SSR4: variants seen among roughly 807,000 people sequenced by gnomAD.
SSR4 encodes signal sequence receptor subunit 4.
For missense variants in SSR4, 125 were observed against 148.8 expected, an observed-to-expected ratio of 0.84 and a Z score of 0.83; for synonymous variants, 84 against 65.6, an observed-to-expected ratio of 1.28 and a Z score of -1.35.
At chrX:153,796,293 C>A in intron 1 of SSR4, 141 bp from the exon 2 acceptor site, 1 of 468,883 alleles carries the variant, frequency 2.1e-6, no homozygotes, top group Non-Finnish European at 3.7e-6. Flanking sequence ...GGATCTGTCT[C>A]GCATATCCCA....
Position 153,796,656 on chromosome X carries a change from T to C in SSR4, c.186+104T>C, listed in dbSNP as rs1237230006. On this transcript the variant is annotated intron_variant, in intron 2 of 5. Transcript: ENST00000370086. ...AGAGGGAGAATCAAGATTCCAACTCTTGGGGTGCCGGAGAGATCAGGGCAC... is the reference window on the plus strand; with the variant it reads ...AGAGGGAGAATCAAGATTCCAACTCCTGGGGTGCCGGAGAGATCAGGGCAC... 1.4e-5 allele frequency: 9 copies of C among 652,149 alleles called. No individual in the cohort carries two copies. In the African/African-American group the frequency reaches 1.9e-4, roughly 14 times the overall value. The allele number at this position is 652,149 out of a possible 1,213,427, so 53.7% of individuals were successfully genotyped here.
At chrX:153,797,156 G>GCACCTCCCTTGCAGGCTCAGAGGAA in intron 2 of SSR4, 2 of 349,576 alleles carry the variant, frequency 5.7e-6, no homozygotes, top group Non-Finnish European at 5.1e-6. Context: ...CACCTCCCTT[G>GCACCTCCCTTGCAGGCTCAGAGGAA]TAGACTCAGG....
chrX:153,797,219 C>A, intron 2 of SSR4: 1 of 418,268 alleles, frequency 2.4e-6, no homozygotes, highest in Non-Finnish European at 4.2e-6. Flanking sequence ...CAACAGGGTT[C>A]CTATGCGTCC....
chrX:153,794,449 G>A (rs1161297757), upstream of SSR4: 21 of 1,138,947 alleles, frequency 1.8e-5, no homozygotes, highest in Non-Finnish European at 2.2e-5. Context: ...CGGTCGCACC[G>A]ATTCACGCCC....
At chrX:153,794,510 A>T (rs2092126382), upstream of SSR4, 6 of 1,159,512 alleles carry the variant, frequency 5.2e-6, no homozygotes, top group East Asian at 1.3e-4. Flanking sequence ...GGGGACCGCG[A>T]CCAGCTGGGC....
chrX:153,794,506 C>G, upstream of SSR4: 2 of 1,160,014 alleles, frequency 1.7e-6, no homozygotes, highest in East Asian at 3.3e-5. Flanking sequence ...AGGGGGGGAC[C>G]GCGACCAGCT....
intron 1 of SSR4, 139 bp downstream of exon 1, chrX:153,794,893 T>C: frequency 4.0e-6 from 3 of 756,415 alleles, no homozygotes; most frequent in Non-Finnish European, 5.6e-6. Context: ...GCAGGCGGCC[T>C]TGGGACGGGG....
At chrX:153,794,326 T>C, upstream of SSR4, 1 of 1,195,526 alleles carries the variant, frequency 8.4e-7, no homozygotes, top group Non-Finnish European at 1.1e-6. Flanking sequence ...TTCAGCGCCA[T>C]GACGGAAAGT....
intron 1 of SSR4, chrX:153,795,425 C>CCA (rs2092134029): frequency 8.7e-6 from 1 of 114,344 alleles, no homozygotes; most frequent in African/African-American, 3.2e-5. Flanking sequence ...GTCCTTCAGG[C>CCA]CAGTAGCCTT....
chrX:153,796,295 C>T (rs2092140708), intron 1 of SSR4, 139 bp from the exon 2 acceptor site: 2 of 470,630 alleles, frequency 4.2e-6, no homozygotes, highest in African/African-American at 2.4e-5. Context: ...ATCTGTCTCG[C>T]ATATCCCACC....
rs1173318780 is a variant in SSR4, at chrX:153,798,063, C to T, written c.352-8C>T. 5.8e-6 allele frequency: 7 copies of T among 1,207,013 alleles called. No individual in the cohort carries two copies. Among genetic ancestry groups the T allele is most frequent in the Middle Eastern group, 4.6e-4 (2 of 4,324 alleles). On this transcript the variant is annotated splice_region_variant and splice_polypyrimidine_tract_variant and intron_variant, in intron 4 of 5. Transcript: ENST00000370086. ...GACCCCAGCACCTCCCTTGCACCTC[C>T]CTTGCAGGCTCAGAGGAATAACGAG...
intron 1 of SSR4, chrX:153,796,165 C>A (rs1489578579): frequency 1.6e-5 from 6 of 364,223 alleles, no homozygotes; most frequent in African/African-American, 1.0e-4. Flanking sequence ...GAATCCAGCC[C>A]CCACCTGTCC....
upstream of SSR4, chrX:153,794,568 T>A: frequency 1.7e-6 from 2 of 1,177,591 alleles, no homozygotes; most frequent in Non-Finnish European, 1.1e-6. Flanking sequence ...GACGTCACAA[T>A]GCCGGCCCAG....
At position 153,798,436 on chromosome X, in the gene SSR4, G is replaced by T; in HGVS notation, c.*3G>T. On this transcript the variant is annotated 3_prime_UTR_variant, in exon 6 of 6. Transcript: ENST00000370086. ...CGAAGAGCCACATCCAGGCCTGAGG[G>T]CGGCACCCCAGCCCTGCCCTTGCTT... 8.5e-7 allele frequency: 1 copy of T among 1,176,879 alleles called. No individual in the cohort carries two copies. Among genetic ancestry groups the T allele is most frequent in the Non-Finnish European group, 1.1e-6 (1 of 877,089 alleles).
At chrX:153,794,529 C>T, upstream of SSR4, 1 of 1,165,756 alleles carries the variant, frequency 8.6e-7, no homozygotes, top group South Asian at 1.9e-5. Flanking sequence ...GCCCCTGGCT[C>T]AGGGAGGGGC....
At chrX:153,796,377 C>T (rs2092141244) in intron 1 of SSR4, 57 bp from the exon 2 acceptor site, 4 of 922,448 alleles carry the variant, frequency 4.3e-6, no homozygotes, top group Non-Finnish European at 4.7e-6. Context: ...CCATCCTGCC[C>T]TCAGACCGGG....
intron 3 of SSR4, 44 bp downstream of exon 3, chrX:153,797,576 G>T (rs782797783): frequency 8.6e-7 from 1 of 1,168,946 alleles, no homozygotes; most frequent in African/African-American, 1.8e-5. Context: ...CCCTGCTCCC[G>T]GGTGTGACCT....
chrX:153,796,942 A>G, intron 2 of SSR4: 1 of 185,887 alleles, frequency 5.4e-6, no homozygotes, highest in East Asian at 1.3e-4. Flanking sequence ...GTGCATTGGC[A>G]CGATCTTGGC....
intron 1 of SSR4, chrX:153,795,223 T>A (rs1557071954): frequency 7.8e-6 from 1 of 128,945 alleles, no homozygotes; most frequent in Non-Finnish European, 1.6e-5. Flanking sequence ...GAAGACTGGC[T>A]TTTCCGGAGG....
Sources: gnomAD v4.1 joint callset for allele counts on GRCh38, gnomAD v4.1.1 for gene constraint, MANE v1.5 for transcripts, NCBI Gene and HGNC (gene_info 2026-07-23, HGNC 2026-07-21) for gene names.